Variants in DLC1 observed in about 807,000 individuals in gnomAD.
DLC1 encodes DLC1 Rho GTPase activating protein.
In DLC1, 54 loss-of-function variants were observed where a neutral mutation model predicts 140.3. That is an observed-to-expected ratio of 0.38 (90% CI 0.31 to 0.48). The LOEUF is 0.48. DLC1 is among the 20% of genes least tolerant of loss of function. The probability of loss-of-function intolerance (pLI) is 0.96; values close to 1 mark genes in which losing one functional copy is unlikely to be tolerated. For synonymous variants in DLC1, 986 were observed against 728.1 expected (o/e 1.35, Z -5.70); for missense variants, 2,536 against 1,907.0 (o/e 1.33, Z -6.14).
chr8:13,126,262 TAAG>T (rs1453082174), intron 5 of DLC1, among the ~76,000 whole-genome samples: 1 of 124,602 alleles, frequency 8.0e-6, no homozygotes, highest in East Asian at 2.2e-4. Flanking sequence ...CAAAATAAAC[TAAG>T]AAGGAAATGG....
At chr8:13,204,097 A>G (rs1220804929) in intron 5 of DLC1, among the ~76,000 whole-genome samples, 1 of 152,178 alleles carries the variant, frequency 6.6e-6, no homozygotes, top group Non-Finnish European at 1.5e-5. Context: ...TGGAAGGACA[A>G]AAATGCTCAG....
chr8:13,183,190 G>C (rs1410160864), intron 5 of DLC1, among the ~76,000 whole-genome samples: 2 of 152,162 alleles, frequency 1.3e-5, no homozygotes, highest in East Asian at 3.9e-4. Context: ...TGCTGAAGTT[G>C]CTTATTAGCT....
rs371018745 is a variant in DLC1 at position 13,260,775 on chromosome 8, A to G, written c.1348+44494T>C. ...AATTTAGAGATAGCTTAAGAAAAAA[A>G]TGTATGTGATACATAAGGGAGGGGT... On this transcript the variant is annotated intron_variant, in intron 5 of 17. Coordinates refer to ENST00000276297, the MANE Select transcript of DLC1 (RefSeq NM_182643.3). 7.2e-5 allele frequency among the ~76,000 whole-genome samples: 11 copies of G among 152,338 alleles called. No individual in the cohort carries two copies. In the East Asian group the frequency reaches 2.1e-3, roughly 29 times the overall value.
intron 4 of DLC1, 38 bp downstream of exon 4, chr8:13,393,515 T>G (rs1836860481): frequency 6.3e-7 from 1 of 1,586,650 alleles, no homozygotes. Context: ...TCATCAACAT[T>G]TACACGTAGA....
intron 5 of DLC1, among the ~76,000 whole-genome samples, chr8:13,183,598 G>T (rs1172708582): frequency 6.6e-6 from 1 of 152,120 alleles, no homozygotes; most frequent in African/African-American, 2.4e-5. Flanking sequence ...CATTGGTTCT[G>T]TTTATGTGAT....
intron 5 of DLC1, among the ~76,000 whole-genome samples, chr8:13,196,079 C>T (rs1827033642): frequency 7.0e-6 from 1 of 143,588 alleles, no homozygotes; most frequent in South Asian, 2.4e-4. Context: ...AACCAATGCT[C>T]TACATTCTGT....
intron 15 of DLC1, among the ~76,000 whole-genome samples, chr8:13,089,872 C>T (rs1423645228): frequency 6.6e-6 from 1 of 152,152 alleles, no homozygotes; most frequent in African/African-American, 2.4e-5. Flanking sequence ...GCCAAGAGAA[C>T]AGTAACTAAG....
At position 13,276,638 on chromosome 8, in the gene DLC1, G is replaced by C. The variant is rs573485250; in HGVS notation, c.1348+28631C>G. On this transcript the variant is annotated intron_variant, in intron 5 of 17. Transcript: ENST00000276297. ...CCGGCGACACCCTCGCGGGGCGCGC[G>C]AGCTGCAGCACAGCTATCCGGAGGC... 42 of 1,196,916 alleles carry C rather than the reference G, an allele frequency of 3.5e-5. No individual in the cohort carries two copies. The East Asian group carries it at 1.4e-3, about 39-fold the overall frequency. The allele number at this position is 1,196,916 out of a possible 1,614,324, so 74.1% of individuals were successfully genotyped here.
At chr8:13,602,135 C>G (rs1805908209) in intron 1 of DLC1, among the ~76,000 whole-genome samples, 1 of 151,666 alleles carries the variant, frequency 6.6e-6, no homozygotes, top group Admixed American at 6.6e-5. Context: ...ACAGGGAAAT[C>G]AGAGGAACAT....
At chr8:13,377,113 G>A (rs973127293) in intron 4 of DLC1, among the ~76,000 whole-genome samples, 1 of 152,142 alleles carries the variant, frequency 6.6e-6, no homozygotes, top group African/African-American at 2.4e-5. Context: ...TTTCAGTGAC[G>A]ATTTCTAGGG....
intron 5 of DLC1, among the ~76,000 whole-genome samples, chr8:13,195,650 A>T (rs368295273): frequency 6.6e-6 from 1 of 152,324 alleles, no homozygotes; most frequent in South Asian, 2.1e-4. Flanking sequence ...TATTGCCAAT[A>T]GGTAGAAGCC....
chr8:13,555,187 C>T (rs1803998265), intron 1 of DLC1, among the ~76,000 whole-genome samples: 1 of 152,214 alleles, frequency 6.6e-6, no homozygotes, highest in Non-Finnish European at 1.5e-5. Flanking sequence ...TGACAATGCT[C>T]CTCAGAACTC....
At chr8:13,441,035 C>A (rs1284608135) in intron 2 of DLC1, among the ~76,000 whole-genome samples, 2 of 152,144 alleles carry the variant, frequency 1.3e-5, no homozygotes, top group Non-Finnish European at 2.9e-5. Flanking sequence ...AACAGCCAAA[C>A]AGTTCAAATT....
At chr8:13,204,012 G>C (rs561046389) in intron 5 of DLC1, among the ~76,000 whole-genome samples, 1 of 152,132 alleles carries the variant, frequency 6.6e-6, no homozygotes, top group Admixed American at 6.6e-5. Flanking sequence ...TGTGTTTTGT[G>C]TCAACAGAAT....
At chr8:13,341,807 A>G (rs2116987036) in intron 4 of DLC1, 1 of 152,328 alleles carries the variant, frequency 6.6e-6, no homozygotes, top group South Asian at 2.1e-4. Flanking sequence ...AAGGCTAGCC[A>G]AGAGCAGATT....
intron 5 of DLC1, among the ~76,000 whole-genome samples, chr8:13,177,702 TA>T: frequency 6.6e-6 from 1 of 152,208 alleles, no homozygotes. Flanking sequence ...TTTGCTTTTT[TA>T]TATTTCAGAT....
At chr8:13,228,818 C>T (rs1433320061) in intron 5 of DLC1, among the ~76,000 whole-genome samples, 1 of 152,154 alleles carries the variant, frequency 6.6e-6, no homozygotes, top group African/African-American at 2.4e-5. Flanking sequence ...GGTCGATGAG[C>T]ATGAAAAGAT....
chr8:13,567,431 A>T, intron 1 of DLC1: 1 of 1,552,022 alleles, frequency 6.4e-7, no homozygotes, highest in South Asian at 1.2e-5. Context: ...AGCAGCAGAC[A>T]TAAAAAGCTG....
chr8:13,548,212 G>A (rs1803718721), intron 1 of DLC1, among the ~76,000 whole-genome samples: 1 of 151,454 alleles, frequency 6.6e-6, no homozygotes, highest in South Asian at 2.1e-4. Flanking sequence ...TCAAGTTAAA[G>A]TTAACAATCC....
Sources: allele counts gnomAD v4.1 joint callset (sites outside exome capture counted in the v4.1 genomes callset), GRCh38; gene constraint gnomAD v4.1.1; transcripts MANE v1.5; gene names NCBI Gene and HGNC (gene_info 2026-07-23, HGNC 2026-07-21).